C13orf42: variants seen among roughly 807,000 people sequenced by gnomAD.
The protein encoded by C13orf42 is uncharacterized protein C13orf42.
intron 1 of C13orf42, among the ~76,000 whole-genome samples, chr13:51,092,504 T>C (rs1953190378): frequency 6.6e-6 from 1 of 152,148 alleles, no homozygotes. Context: ...TAGTTCTTTA[T>C]AATTTATAAT....
At chr13:51,157,126 G>A (rs1170372056) in intron 1 of C13orf42, among the ~76,000 whole-genome samples, 8 of 152,164 alleles carry the variant, frequency 5.3e-5, no homozygotes, top group African/African-American at 1.9e-4. Flanking sequence ...GGCTCCCTCT[G>A]CCCTTTCCCC....
intron 1 of C13orf42, among the ~76,000 whole-genome samples, chr13:51,152,022 T>G (rs1048379421): frequency 6.6e-6 from 1 of 152,164 alleles, no homozygotes; most frequent in African/African-American, 2.4e-5. Context: ...AGAATCTTCA[T>G]TCTAACAAGA....
intron 1 of C13orf42, among the ~76,000 whole-genome samples, chr13:51,094,508 G>A (rs1484682336): frequency 6.6e-6 from 1 of 152,070 alleles, no homozygotes; most frequent in Non-Finnish European, 1.5e-5. Context: ...TAGACAATTA[G>A]TTACAATTTA....
chr13:51,104,209 T>A lies in C13orf42; in HGVS notation c.414+6587A>T, dbSNP rs1436106188. On this transcript the variant is annotated intron_variant, in intron 1 of 3. Coordinates refer to ENST00000563710, the MANE Select transcript of C13orf42 (RefSeq NM_001351589.3). The stretch of plus-strand genomic sequence containing the variant: ...TTTAATAAAGTGTCCTAAAAATACA[T>A]TAATTAGGGCTTAATAATCCTTTGG... 3.9e-5 allele frequency among the ~76,000 whole-genome samples: 6 copies of A among 152,350 alleles called. No homozygotes were observed. The East Asian group carries it at 1.2e-3, about 29-fold the overall frequency.
chr13:51,122,811 G>A (rs60949010), intron 1 of C13orf42, among the ~76,000 whole-genome samples: 20,179 of 152,078 alleles, frequency 0.13, 2,271 homozygotes, highest in African/African-American at 0.29. Flanking sequence ...CTTTTCTTCA[G>A]TTCTGTTCTT....
chr13:51,157,102 T>G (rs1041639619), intron 1 of C13orf42, among the ~76,000 whole-genome samples: 14 of 152,182 alleles, frequency 9.2e-5, no homozygotes, highest in Admixed American at 9.2e-4. Flanking sequence ...CTAGAACACT[T>G]CCAGCACCCC....
At chr13:51,152,812 C>T (rs554182215) in intron 1 of C13orf42, among the ~76,000 whole-genome samples, 1 of 152,298 alleles carries the variant, frequency 6.6e-6, no homozygotes, top group East Asian at 1.9e-4. Context: ...GGGAAATCCA[C>T]AGATAACCCT....
intron 1 of C13orf42, 85 bp from the exon 2 acceptor site, chr13:51,088,160 A>T (rs1953149421): frequency 2.5e-6 from 1 of 396,686 alleles, no homozygotes; most frequent in South Asian, 1.4e-4. Context: ...GCTAAAACGA[A>T]ATGCGCGTGG....
At chr13:51,102,272 A>G (rs78705745) in intron 1 of C13orf42, among the ~76,000 whole-genome samples, 3 of 152,336 alleles carry the variant, frequency 2.0e-5, no homozygotes, top group Non-Finnish European at 4.4e-5. Flanking sequence ...ATAATTATCA[A>G]TGGTGTAAAA....
intron 1 of C13orf42, among the ~76,000 whole-genome samples, 150 bp downstream of exon 1, chr13:51,110,645 TG>T (rs1383123753): frequency 6.6e-6 from 1 of 152,218 alleles, no homozygotes. Flanking sequence ...GCTGGGGATA[TG>T]GCCGCATAAA....
rs1241038827 is a variant in C13orf42 at position 51,084,344 on chromosome 13, G to C, written c.804-19C>G. 1.0e-5 allele frequency: 4 copies of C among 398,732 alleles called. No individual in the cohort carries two copies. The highest frequency in any genetic ancestry group is 1.8e-5 in the Non-Finnish European group (4 of 226,262). The allele number at this position is 398,732 out of a possible 1,614,324, so 24.7% of individuals were successfully genotyped here. On this transcript the variant is annotated intron_variant, in intron 3 of 3. Coordinates refer to ENST00000563710, the MANE Select transcript of C13orf42 (RefSeq NM_001351589.3). ...CCCCAGGCTAGAAGGAAGGAATGAG[G>C]CAGGAGGTTTAAGTTCGGCTTGGCC...
At position 51,087,373 on chromosome 13, in the gene C13orf42, A is replaced by G. The variant is rs546518852; in HGVS notation, c.562+555T>C. ...CGTATGGTCAGAAGCTGGATTCTCA[A>G]ATACAGTTTGTCCATTTCATTTCTT... On this transcript the variant is annotated intron_variant, in intron 2 of 3. Coordinates refer to ENST00000563710, the MANE Select transcript of C13orf42 (RefSeq NM_001351589.3). Among the ~76,000 whole-genome samples the G allele has an allele frequency of 5.1e-4, 78 of 152,236 alleles. 2 individuals are homozygous for G. The East Asian group carries it at 0.014, about 27-fold the overall frequency.
intron 1 of C13orf42, among the ~76,000 whole-genome samples, chr13:51,117,544 G>C (rs1219137937): frequency 1.3e-5 from 2 of 152,174 alleles, no homozygotes; most frequent in African/African-American, 4.8e-5. Context: ...ACAATCAACA[G>C]AAAAATTGAG....
intron 1 of C13orf42, among the ~76,000 whole-genome samples, chr13:51,170,425 C>G (rs551915716): frequency 1.3e-5 from 2 of 152,262 alleles, no homozygotes; most frequent in East Asian, 3.9e-4. Context: ...GTCCTCAGAC[C>G]GACCGGCCCA....
intron 1 of C13orf42, among the ~76,000 whole-genome samples, chr13:51,151,705 T>C (rs894401203): frequency 3.3e-5 from 5 of 152,190 alleles, no homozygotes; most frequent in Admixed American, 1.3e-4. Flanking sequence ...GCACTAAACA[T>C]GCATGTACCA....
intron 1 of C13orf42, among the ~76,000 whole-genome samples, chr13:51,091,925 T>C (rs545996357): frequency 6.6e-6 from 1 of 152,270 alleles, no homozygotes; most frequent in South Asian, 2.1e-4. Context: ...GGGCCCAGAC[T>C]CCTCATGTCT....
chr13:51,165,315 C>T (rs992753264), intron 1 of C13orf42, among the ~76,000 whole-genome samples: 1 of 152,224 alleles, frequency 6.6e-6, no homozygotes, highest in South Asian at 2.1e-4. Context: ...CCCCTTCAGG[C>T]TCTCCACTGT....
chr13:51,138,671 G>C (rs1953675076), intron 1 of C13orf42, among the ~76,000 whole-genome samples: 2 of 152,198 alleles, frequency 1.3e-5, no homozygotes, highest in South Asian at 4.1e-4. Flanking sequence ...TATGGAAAAA[G>C]TATGGAGATT....
At chr13:51,128,937 G>A (rs542960490) in intron 1 of C13orf42, among the ~76,000 whole-genome samples, 49 of 152,252 alleles carry the variant, frequency 3.2e-4, no homozygotes, top group African/African-American at 1.2e-3. Flanking sequence ...CCCCAGTTAA[G>A]TCTGTTTACC....
Sources: allele counts gnomAD v4.1 joint callset (sites outside exome capture counted in the v4.1 genomes callset), GRCh38; gene constraint gnomAD v4.1.1; transcripts MANE v1.5; gene names NCBI Gene and HGNC (gene_info 2026-07-23, HGNC 2026-07-21).